ROBO1: variants seen among roughly 807,000 people sequenced by gnomAD.
The protein encoded by ROBO1 is roundabout homolog 1.
In ROBO1, 149 loss-of-function variants were observed where a neutral mutation model predicts 195.9. The ratio of observed to expected loss-of-function variants is 0.76; its 90% CI spans 0.67 to 0.87. ROBO1 has a LOEUF of 0.87. ROBO1 is among the 40% of genes least tolerant of loss of function. The pLI is 0.00. For missense variants in ROBO1, 1,933 were observed against 2,068.3 expected (o/e 0.93, Z 1.27); for synonymous variants, 816 against 733.2 (o/e 1.11, Z -1.82).
intron 2 of ROBO1, among the ~76,000 whole-genome samples, chr3:79,214,824 ATATT>A (rs964835349): frequency 7.2e-6 from 1 of 139,368 alleles, no homozygotes; most frequent in African/African-American, 2.9e-5. Context: ...ATATATATAT[ATATT>A]TTTTTTTTTT....
intron 2 of ROBO1, among the ~76,000 whole-genome samples, chr3:79,513,342 A>G (rs966294698): frequency 6.6e-6 from 1 of 152,122 alleles, no homozygotes; most frequent in Non-Finnish European, 1.5e-5. Context: ...GTATGTTAAT[A>G]TATTTTTAAG....
At chr3:78,667,752 A>T in intron 14 of ROBO1, 131 bp downstream of exon 14, 1 of 852,214 alleles carries the variant, frequency 1.2e-6, no homozygotes, top group Non-Finnish European at 1.7e-6. Flanking sequence ...AAAATTAATT[A>T]AGCAACTTGG....
At chr3:79,375,615 G>T (rs1316709225) in intron 2 of ROBO1, among the ~76,000 whole-genome samples, 1 of 152,140 alleles carries the variant, frequency 6.6e-6, no homozygotes, top group Non-Finnish European at 1.5e-5. Flanking sequence ...TTCAGATGAT[G>T]GCCAGGAAAG....
intron 4 of ROBO1, among the ~76,000 whole-genome samples, chr3:78,923,091 T>C (rs2039032786): frequency 6.6e-6 from 1 of 152,170 alleles, no homozygotes; most frequent in African/African-American, 2.4e-5. Context: ...AGATAACATA[T>C]AGCATTGCCC....
chr3:79,353,400 AACACACACACACACAC>A, intron 2 of ROBO1, among the ~76,000 whole-genome samples: 1 of 148,224 alleles, frequency 6.7e-6, no homozygotes, highest in Admixed American at 6.8e-5. Context: ...CACAGAAACA[AACACACACACACACAC>A]ACACACACAC....
At chr3:79,242,145 C>A (rs2082531192) in intron 2 of ROBO1, among the ~76,000 whole-genome samples, 1 of 151,844 alleles carries the variant, frequency 6.6e-6, no homozygotes, top group Non-Finnish European at 1.5e-5. Flanking sequence ...ATTGAAGCAG[C>A]TGCCTTAGAA....
chr3:78,878,835 T>C (rs1415383435), intron 4 of ROBO1, among the ~76,000 whole-genome samples: 1 of 152,148 alleles, frequency 6.6e-6, no homozygotes, highest in Non-Finnish European at 1.5e-5. Context: ...GAATATCACC[T>C]TTTACAGTCT....
At chr3:79,585,238 C>T (rs1943792190) in intron 2 of ROBO1, among the ~76,000 whole-genome samples, 1 of 151,736 alleles carries the variant, frequency 6.6e-6, no homozygotes, top group Non-Finnish European at 1.5e-5. Context: ...ACATATTATT[C>T]TAGTTTATTA....
chr3:78,906,392 C>CA (rs1299064416), intron 4 of ROBO1, among the ~76,000 whole-genome samples: 4 of 152,134 alleles, frequency 2.6e-5, no homozygotes, highest in Non-Finnish European at 5.9e-5. Flanking sequence ...ACCATCCTGA[C>CA]AGCCACTGAC....
At chr3:79,495,613 G>A (rs1939685976) in intron 2 of ROBO1, among the ~76,000 whole-genome samples, 1 of 152,104 alleles carries the variant, frequency 6.6e-6, no homozygotes, top group South Asian at 2.1e-4. Context: ...GTGGAAGGGT[G>A]CTGATTTCTG....
intron 3 of ROBO1, among the ~76,000 whole-genome samples, chr3:79,112,828 G>T (rs1296353514): frequency 6.6e-6 from 1 of 151,914 alleles, no homozygotes; most frequent in Non-Finnish European, 1.5e-5. Context: ...ATGGGTTAAT[G>T]GGTGCAGCAC....
At chr3:79,685,446 G>C (rs144641654) in intron 1 of ROBO1, among the ~76,000 whole-genome samples, 2 of 152,286 alleles carry the variant, frequency 1.3e-5, no homozygotes, top group African/African-American at 4.8e-5. Flanking sequence ...TTGCTTTTAA[G>C]TGTTTTGTCA....
At chr3:78,873,209 C>T (rs1393522283) in intron 4 of ROBO1, among the ~76,000 whole-genome samples, 1 of 152,144 alleles carries the variant, frequency 6.6e-6, no homozygotes. Context: ...CAGCCTCTCT[C>T]TACTTCCTAC....
At chr3:79,474,698 G>T (rs1464527488) in intron 2 of ROBO1, among the ~76,000 whole-genome samples, 1 of 151,892 alleles carries the variant, frequency 6.6e-6, no homozygotes, top group African/African-American at 2.4e-5. Flanking sequence ...AACAATTTGT[G>T]GTACAAATAA....
intron 27 of ROBO1, 84 bp downstream of exon 27, chr3:78,617,551 C>A: frequency 1.5e-6 from 2 of 1,365,884 alleles, no homozygotes; most frequent in East Asian, 2.4e-5. Flanking sequence ...TCAAATAGGA[C>A]GTAAGATCAT....
intron 26 of ROBO1, among the ~76,000 whole-genome samples, chr3:78,619,679 G>A (rs933932072): frequency 6.6e-6 from 1 of 151,900 alleles, no homozygotes; most frequent in African/African-American, 2.4e-5. Context: ...ACAGAAAAGG[G>A]CATTTGGCAA....
At chr3:78,771,479 T>C (rs2083374548) in intron 4 of ROBO1, among the ~76,000 whole-genome samples, 1 of 152,194 alleles carries the variant, frequency 6.6e-6, no homozygotes, top group Non-Finnish European at 1.5e-5. Context: ...TGTACATTGC[T>C]TTGGGGCAGT....
intron 3 of ROBO1, among the ~76,000 whole-genome samples, chr3:79,078,390 T>G (rs1440277554): frequency 6.6e-6 from 1 of 151,696 alleles, no homozygotes; most frequent in African/African-American, 2.4e-5. Context: ...TTAAGTAGAG[T>G]TGAAATATAA....
At chr3:79,055,183 A>G (rs2078781199) in intron 3 of ROBO1, among the ~76,000 whole-genome samples, 1 of 152,080 alleles carries the variant, frequency 6.6e-6, no homozygotes, top group South Asian at 2.1e-4. Flanking sequence ...GATTCCACTG[A>G]TGAGATTAAA....
Sources: gnomAD v4.1 joint callset for allele counts (sites outside exome capture counted in the v4.1 genomes callset) on GRCh38, gnomAD v4.1.1 for gene constraint, MANE v1.5 for transcripts, NCBI Gene and HGNC (gene_info 2026-07-23, HGNC 2026-07-21) for gene names.